LRIF1: variants seen among roughly 807,000 people sequenced by gnomAD.
LRIF1 encodes ligand dependent nuclear receptor interacting factor 1, also known as ligand-dependent nuclear receptor-interacting factor 1.
Under a neutral mutation model 52.7 loss-of-function variants are expected in LRIF1, and 32 were observed. The observed-to-expected ratio is 0.61, with a 90% confidence interval of 0.46 to 0.82. The LOEUF (loss-of-function observed/expected upper bound fraction) is 0.82. Among genes scored for constraint, LRIF1 ranks in the 40% least tolerant of loss-of-function variants. The pLI is 0.00. For synonymous variants in LRIF1, 323 were observed against 317.4 expected (o/e 1.02, Z -0.19); for missense variants, 887 against 892.0 (o/e 0.99, Z 0.07).
At chr1:110,932,495 A>C in the LRIF1 span, among the ~76,000 whole-genome samples, 1 of 152,214 alleles carries the variant, frequency 6.6e-6, no homozygotes, top group African/African-American at 2.4e-5. Flanking sequence ...TGAACTTTAA[A>C]GTAGTTTTTT....
the LRIF1 span, chr1:110,938,390 A>G: frequency 2.0e-5 from 3 of 152,254 alleles, no homozygotes; most frequent in Non-Finnish European, 1.5e-5. Context: ...CCTGGGATGC[A>G]AGGATGGTAC....
At chr1:110,915,350 C>T in the LRIF1 span, among the ~76,000 whole-genome samples, 4 of 151,944 alleles carry the variant, frequency 2.6e-5, no homozygotes, top group Admixed American at 6.6e-5. Flanking sequence ...TAGCCGGGCG[C>T]GGTGGCAGGC....
chr1:110,894,537 G>A, the LRIF1 span: 6 of 659,372 alleles, frequency 9.1e-6, no homozygotes, highest in African/African-American at 3.9e-5. Flanking sequence ...GAAACAGAGA[G>A]TAATTGTAAT....
At chr1:110,898,033 C>A in the LRIF1 span, 1 of 509,780 alleles carries the variant, frequency 2.0e-6, no homozygotes, top group African/African-American at 2.0e-5. Flanking sequence ...AGCCAAGTAG[C>A]AAATAATGTA....
At chr1:110,946,228 A>G (rs1020455293), downstream of LRIF1, among the ~76,000 whole-genome samples, 3 of 152,248 alleles carry the variant, frequency 2.0e-5, no homozygotes, top group African/African-American at 7.2e-5. Context: ...AAAAAACACC[A>G]ATCACAAAGA....
At position 110,947,649 on chromosome 1, in the gene LRIF1, G is replaced by A. The variant is rs905873743; in HGVS notation, c.*310C>T. On this transcript the variant is annotated 3_prime_UTR_variant, in exon 4 of 4. Coordinates refer to ENST00000369763, the MANE Select transcript of LRIF1 (RefSeq NM_018372.4). ...ATAATGCCTGAGCAATTTAGGTAAA[G>A]ATACAAACAATAACAAAAACCCTGC... The A allele has an allele frequency of 1.7e-4, 34 of 203,986 alleles. 1 individual carries two copies. The highest frequency in any genetic ancestry group is 5.4e-4 in the Admixed American group (10 of 18,420). The allele number at this position is 203,986 out of a possible 1,614,324, so 12.6% of individuals were successfully genotyped here. A position where few individuals can be genotyped will look rare whatever the true frequency, so the allele number is the denominator to read the frequency against.
the LRIF1 span, among the ~76,000 whole-genome samples, chr1:110,916,808 C>CA: frequency 3.3e-5 from 5 of 151,532 alleles, no homozygotes; most frequent in African/African-American, 1.2e-4. Flanking sequence ...AGGCAAACAG[C>CA]ATTTATAGAA....
chr1:110,886,182 T>G, the LRIF1 span, among the ~76,000 whole-genome samples: 1 of 152,170 alleles, frequency 6.6e-6, no homozygotes, highest in Non-Finnish European at 1.5e-5. Flanking sequence ...TTGCTCCACT[T>G]TCTTCCAGCT....
intron 1 of LRIF1, among the ~76,000 whole-genome samples, chr1:110,953,680 G>A (rs957447236): frequency 6.6e-6 from 1 of 152,084 alleles, no homozygotes; most frequent in South Asian, 2.1e-4. Context: ...GAGATTACTT[G>A]AATGTAAATA....
the LRIF1 span, chr1:110,880,201 T>C: frequency 6.6e-6 from 1 of 152,014 alleles, no homozygotes; most frequent in Admixed American, 6.6e-5. Flanking sequence ...TGTCGGTTCC[T>C]CTAGATGGTA....
chr1:110,894,891 G>A, the LRIF1 span: 1 of 1,213,670 alleles, frequency 8.2e-7, no homozygotes, highest in Non-Finnish European at 1.2e-6. Context: ...AACCTATACT[G>A]GAAATTCCTT....
the LRIF1 span, among the ~76,000 whole-genome samples, chr1:110,898,822 GCA>G: frequency 2.1e-4 from 32 of 152,276 alleles, no homozygotes; most frequent in Middle Eastern, 3.4e-3. Flanking sequence ...ATAACTCATT[GCA>G]CAGTGTTCAG....
chr1:110,882,208 A>T, the LRIF1 span, among the ~76,000 whole-genome samples: 1 of 152,132 alleles, frequency 6.6e-6, no homozygotes, highest in African/African-American at 2.4e-5. Flanking sequence ...TTCCTTCTGG[A>T]GAATTATAGT....
At position 110,947,869 on chromosome 1, in the gene LRIF1, G is replaced by T; in HGVS notation, c.*90C>A. On this transcript the variant is annotated 3_prime_UTR_variant, in exon 4 of 4. Coordinates refer to ENST00000369763, the MANE Select transcript of LRIF1 (RefSeq NM_018372.4). ...TGAAAAAACAAGCTTCATATTCAAA[G>T]ACACTTTCAGAACACACCTACAATT... is the stretch of plus-strand genomic sequence containing the variant. The T allele has an allele frequency of 6.8e-7, 1 of 1,476,274 alleles. No homozygotes were observed. Among genetic ancestry groups the T allele is most frequent in the Non-Finnish European group, 9.0e-7 (1 of 1,114,188 alleles). The allele number at this position is 1,476,274 out of a possible 1,614,324, so 91.4% of individuals were successfully genotyped here.
At chr1:110,922,935 T>C in the LRIF1 span, among the ~76,000 whole-genome samples, 2 of 152,168 alleles carry the variant, frequency 1.3e-5, no homozygotes, top group Non-Finnish European at 2.9e-5. Context: ...TCCTCCATAG[T>C]CAAAGCTCTC....
At chr1:110,961,022 C>T (rs1363223568) in intron 1 of LRIF1, among the ~76,000 whole-genome samples, 1 of 152,188 alleles carries the variant, frequency 6.6e-6, no homozygotes, top group Non-Finnish European at 1.5e-5. Flanking sequence ...CCTACTTGTA[C>T]AGAATCAAGC....
rs139462619 is a variant in LRIF1 at position 110,951,139 on chromosome 1, G to A, written c.1596+149C>T. The A allele has an allele frequency of 9.0e-4, 574 of 636,028 alleles. 4 individuals carry two copies. The African/African-American group carries it at 9.7e-3, about 11-fold the overall frequency. The allele number at this position is 636,028 out of a possible 1,614,324, so 39.4% of individuals were successfully genotyped here. On this transcript the variant is annotated intron_variant, in intron 2 of 3. Coordinates refer to ENST00000369763, the MANE Select transcript of LRIF1 (RefSeq NM_018372.4). The stretch of plus-strand genomic sequence containing the variant: ...CCTCCTCAAATTTGCTCAGATGGAA[G>A]TTTTGACTTAAATACTCATATGTGT...
Position 110,948,264 on chromosome 1 carries a change from T to TA in LRIF1, c.2004dup (p.Ile669TyrfsTer11). On this transcript the variant is annotated frameshift_variant, in exon 4 of 4. Coordinates refer to ENST00000369763, the MANE Select transcript of LRIF1 (RefSeq NM_018372.4). LOFTEE classifies it high-confidence loss of function. ...TGTGACACATCTGAAGTTGGTAAAA[T>TA]ACTGCTTAGGAGTTGGGAACCGGTG... is the stretch of plus-strand genomic sequence containing the variant. 1.2e-6 allele frequency: 2 copies of TA among 1,614,136 alleles called. No individual in the cohort carries two copies. The highest frequency in any genetic ancestry group is 1.7e-6 in the Non-Finnish European group (2 of 1,180,006).
At chr1:110,886,290 T>C in the LRIF1 span, among the ~76,000 whole-genome samples, 1 of 152,208 alleles carries the variant, frequency 6.6e-6, no homozygotes, top group African/African-American at 2.4e-5. Context: ...GATTTTCTTT[T>C]TATCACTGTT....
Sources: allele counts gnomAD v4.1 joint callset (sites outside exome capture counted in the v4.1 genomes callset), GRCh38; gene constraint gnomAD v4.1.1; transcripts MANE v1.5; gene names NCBI Gene and HGNC (gene_info 2026-07-23, HGNC 2026-07-21).